The following ACTA2 variants were observed in gnomAD, a reference collection of about 807,000 sequenced individuals.
The protein encoded by ACTA2 is actin, aortic smooth muscle.
ACTA2 carries 12 observed loss-of-function variants against 39.5 expected under a neutral mutation model. The observed-to-expected ratio is 0.30, with a 90% CI of 0.19 to 0.49. The LOEUF (loss-of-function observed/expected upper bound fraction) is 0.49, where lower values mean the gene tolerates loss of function less well. Ranked by LOEUF, ACTA2 falls within the 20% of genes least tolerant of loss-of-function variation. The probability of loss-of-function intolerance (pLI) is 0.99; values close to 1 mark genes in which losing one functional copy is unlikely to be tolerated. For synonymous variants in ACTA2, 158 were observed against 180.6 expected (o/e 0.88, Z 1.00); for missense variants, 236 against 498.8 (o/e 0.47, Z 5.02).
intron 1 of ACTA2, among the ~76,000 whole-genome samples, chr10:88,980,993 T>G (rs1846696969): frequency 6.6e-6 from 1 of 152,104 alleles, no homozygotes; most frequent in African/African-American, 2.4e-5. Flanking sequence ...AAAGTGGGAT[T>G]TGGACTATGG....
At position 88,935,304 on chromosome 10, in the gene ACTA2, CAG is replaced by C. The variant is rs1845712598; in HGVS notation, c.1051_1052del (p.Leu351ValfsTer15). 1 of 1,613,948 alleles carries C rather than the reference CAG, an allele frequency of 6.2e-7. No individual in the cohort carries two copies. The highest frequency in any genetic ancestry group is 8.5e-7 in the Non-Finnish European group (1 of 1,179,878). On this transcript the variant is annotated frameshift_variant, in exon 9 of 9. Transcript: ENST00000224784. LOFTEE classifies it high-confidence loss of function. Reference sequence around the variant, plus strand: ...TGATCCACATCTGCTGGAAGGTGGACAGAGAGGCCAGGATGGAGCCACCGATC... The same window carrying C: ...TGATCCACATCTGCTGGAAGGTGGACAGAGGCCAGGATGGAGCCACCGATC... ...VWIGGSILAS[L>X]STFQQMWISK...
At position 88,990,954 on chromosome 10, in the gene ACTA2, G is replaced by T. The variant is rs1589439843; in HGVS notation, c.-39C>A. On this transcript the variant is annotated 5_prime_UTR_variant, in exon 1 of 5. Transcript: ENST00000415557. This position sits in a 1 kb window ranked among gnomAD's most constrained non-coding sequence, Gnocchi z 4.9. ...GGAGGCTTACCCCGTCTTAGTCCCG[G>T]GGATAGGCAAAGTGGGGCGGGCGCG... 14 of 1,613,774 alleles carry T rather than the reference G, an allele frequency of 8.7e-6. No homozygotes were observed. In the East Asian group the frequency reaches 3.1e-4, roughly 36 times the overall value.
chr10:88,986,406 C>T (rs1006837195), intron 1 of ACTA2, among the ~76,000 whole-genome samples: 6 of 152,184 alleles, frequency 3.9e-5, no homozygotes, highest in Admixed American at 3.3e-4. Flanking sequence ...CCCTACTAAC[C>T]CAATTGCTGT....
At chr10:88,940,138 C>G (rs1376155208) in intron 6 of ACTA2, 1 of 250,590 alleles carries the variant, frequency 4.0e-6, no homozygotes, top group African/African-American at 2.3e-5. Context: ...TCACAATTTT[C>G]AAAAAGTCTG....
At chr10:88,941,961 G>C (rs1464861575) in intron 4 of ACTA2, 92 bp from the exon 5 acceptor site, 1 of 1,209,688 alleles carries the variant, frequency 8.3e-7, no homozygotes, top group Admixed American at 2.0e-5. Flanking sequence ...ATGCAGAGGG[G>C]CCTGACCTGT....
At chr10:88,976,075 G>A (rs11202915) in intron 1 of ACTA2, among the ~76,000 whole-genome samples, 55,055 of 151,954 alleles carry the variant, frequency 0.36, 10,438 homozygotes, top group Non-Finnish European at 0.4. Flanking sequence ...TTATCAATTA[G>A]TTATAGTGAT....
At chr10:88,942,127 G>A (rs1220692136) in intron 4 of ACTA2, among the ~76,000 whole-genome samples, 4 of 152,200 alleles carry the variant, frequency 2.6e-5, no homozygotes, top group Non-Finnish European at 5.9e-5. Context: ...CCAGGGGAAA[G>A]GAAAGTCCAG....
chr10:88,967,024 T>C (rs1422516636), intron 1 of ACTA2, among the ~76,000 whole-genome samples: 1 of 151,872 alleles, frequency 6.6e-6, no homozygotes, highest in Admixed American at 6.6e-5. Context: ...AGCCTGGGAG[T>C]TTATACAACA....
intron 1 of ACTA2, among the ~76,000 whole-genome samples, chr10:88,969,664 C>A (rs184241125): frequency 6.6e-6 from 1 of 152,190 alleles, no homozygotes; most frequent in Non-Finnish European, 1.5e-5. Flanking sequence ...CTCCTCTGAC[C>A]ACCATATCAT....
At chr10:88,985,821 A>C (rs974127915) in intron 1 of ACTA2, among the ~76,000 whole-genome samples, 1 of 152,194 alleles carries the variant, frequency 6.6e-6, no homozygotes, top group Non-Finnish European at 1.5e-5. Context: ...GGGGGCAGGG[A>C]GGAAGTCTAA....
Position 88,935,383 on chromosome 10 carries a change from A to C in ACTA2, c.991-17T>G. ...GGCAATGATCTGTCAGTCAAGATGA[A>C]AAAGAATGGTCATTAATGTCATCAT... On this transcript the variant is annotated splice_polypyrimidine_tract_variant and intron_variant, in intron 8 of 8. Transcript: ENST00000224784. 1.2e-6 allele frequency: 2 copies of C among 1,613,412 alleles called. No individual in the cohort carries two copies. The highest frequency in any genetic ancestry group is 1.7e-6 in the Non-Finnish European group (2 of 1,179,520).
At chr10:88,958,636 G>A (rs371647951) in intron 1 of ACTA2, among the ~76,000 whole-genome samples, 1 of 152,144 alleles carries the variant, frequency 6.6e-6, no homozygotes, top group Non-Finnish European at 1.5e-5. Flanking sequence ...AAAAGCAGAT[G>A]ACTTCACTAT....
chr10:88,977,993 C>A (rs1378035110), intron 1 of ACTA2, among the ~76,000 whole-genome samples: 1 of 50,316 alleles, frequency 2.0e-5, no homozygotes, highest in Non-Finnish European at 3.9e-5. Context: ...AGACTTGGAA[C>A]CAACCCAAAT....
upstream of ACTA2, among the ~76,000 whole-genome samples, chr10:88,957,435 A>G (rs1846154769): frequency 6.6e-6 from 1 of 152,228 alleles, no homozygotes; most frequent in Non-Finnish European, 1.5e-5. Flanking sequence ...GCTTTAAAAG[A>G]TGTTTTAAAT....
chr10:88,969,685 A>G (rs899543483), intron 1 of ACTA2, among the ~76,000 whole-genome samples: 4 of 152,102 alleles, frequency 2.6e-5, no homozygotes, highest in Non-Finnish European at 4.4e-5. Flanking sequence ...CCTCCCAACT[A>G]TATCTTTTCA....
intron 1 of ACTA2, among the ~76,000 whole-genome samples, chr10:88,981,406 C>T (rs879910482): frequency 2.6e-5 from 4 of 151,844 alleles, no homozygotes; most frequent in Non-Finnish European, 5.9e-5. Flanking sequence ...AAGAACTGGC[C>T]ATTGCTTTAT....
intron 1 of ACTA2, among the ~76,000 whole-genome samples, chr10:88,962,959 ATATATATATATATATATAATAT>A (rs2133302938): frequency 2.9e-5 from 1 of 34,106 alleles, no homozygotes; most frequent in Admixed American, 2.3e-4. Flanking sequence ...ATATATATAT[ATATATATATATATATATAATAT>A]TTTTTTTTTT....
chr10:88,964,770 T>C (rs1347729439), intron 1 of ACTA2, among the ~76,000 whole-genome samples: 2 of 152,162 alleles, frequency 1.3e-5, no homozygotes, highest in Non-Finnish European at 2.9e-5. Context: ...TTGTACCAAC[T>C]GGTCTCCTTC....
rs1479793295 is a variant in ACTA2 at position 88,990,686 on chromosome 10, G to C, written c.-24+253C>G. 1.4e-6 allele frequency: 1 copy of C among 714,792 alleles called. No homozygotes were observed. Among genetic ancestry groups the C allele is most frequent in the South Asian group, 1.5e-5 (1 of 67,288 alleles). The allele number at this position is 714,792 out of a possible 1,614,324, so 44.3% of individuals were successfully genotyped here. On this transcript the variant is annotated intron_variant, in intron 1 of 4. Coordinates refer to the ACTA2 transcript ENST00000415557. The surrounding 1 kb of genome is among the most constrained non-coding windows in gnomAD (Gnocchi z 4.9). ...GAGTGACACACAGGTGTTCAAAGAC[G>C]CTTCTGGGGAGTGAGGGAAGCGGTT...
Sources: allele counts gnomAD v4.1 joint callset (sites outside exome capture counted in the v4.1 genomes callset), GRCh38; gene constraint gnomAD v4.1.1; non-coding constraint Gnocchi (gnomAD v3.1); transcripts MANE v1.5; gene names NCBI Gene and HGNC (gene_info 2026-07-23, HGNC 2026-07-21).